MYO1D: variants seen among roughly 807,000 people sequenced by gnomAD.
MYO1D encodes the protein myosin ID.
MYO1D carries 83 observed loss-of-function variants against 122.0 expected under a neutral mutation model. The ratio of observed to expected loss-of-function variants is 0.68; its 90% CI spans 0.57 to 0.82. The LOEUF is 0.82. Among genes scored for constraint, MYO1D ranks in the 40% least tolerant of loss-of-function variants. MYO1D has a pLI of 0.00. For missense variants in MYO1D, 1,157 were observed against 1,269.5 expected (o/e 0.91, Z 1.35); for synonymous variants, 464 against 446.9 (o/e 1.04, Z -0.48).
rs187931853 is a variant in MYO1D at position 32,492,649 on chromosome 17, T to A, written c.*2110A>T. ...TATTGCTCTTGATGGCAAATCAAAATATGCTTTAGAAATAAAGTTAATTTA... is the reference window on the plus strand; with the variant it reads ...TATTGCTCTTGATGGCAAATCAAAAAATGCTTTAGAAATAAAGTTAATTTA... On this transcript the variant is annotated 3_prime_UTR_variant, in exon 22 of 22. Coordinates refer to ENST00000318217, the MANE Select transcript of MYO1D (RefSeq NM_015194.3). 6.5e-6 allele frequency: 1 copy of A among 152,738 alleles called. No homozygotes were observed. Among genetic ancestry groups the A allele is most frequent in the African/African-American group, 2.4e-5 (1 of 41,574 alleles). The allele number at this position is 152,738 out of a possible 1,614,324, so 9.5% of individuals were successfully genotyped here.
intron 1 of MYO1D, among the ~76,000 whole-genome samples, chr17:32,869,112 G>C (rs1482874112): frequency 6.6e-6 from 1 of 151,920 alleles, no homozygotes; most frequent in Non-Finnish European, 1.5e-5. Flanking sequence ...CCAGCCACTA[G>C]GGAGGCTGAG....
At chr17:32,713,035 C>T (rs1421272724) in intron 15 of MYO1D, among the ~76,000 whole-genome samples, 1 of 152,216 alleles carries the variant, frequency 6.6e-6, no homozygotes, top group Non-Finnish European at 1.5e-5. Flanking sequence ...CTTTTTCCAT[C>T]ATGCAAAGTT....
chr17:32,659,305 T>C lies in MYO1D; in HGVS notation c.2155A>G (p.Lys719Glu), dbSNP rs1361835048. The change falls in exon 17 of 22, where the codon AAA becomes GAA. Residue 719 changes from lysine (K) to glutamate (E), a missense_variant. Lys to Glu is a moderately conservative substitution (Grantham distance 56, BLOSUM62 1). Coordinates refer to ENST00000318217, the MANE Select transcript of MYO1D (RefSeq NM_015194.3). The part of the protein sequence containing the change: ...WRGTLARMRY[K>E]RTKAALTIIR... ...ATTGTCAGAGCTGCCTTGGTTCTTT[T>C]GTACCGCATGCGGGCCAGGGTGCCC... The C allele has an allele frequency of 6.2e-7, 1 of 1,614,120 alleles. No homozygotes were observed. Among genetic ancestry groups the C allele is most frequent in the African/African-American group, 1.3e-5 (1 of 74,944 alleles).
At chr17:32,591,951 G>A (rs552231751) in intron 21 of MYO1D, among the ~76,000 whole-genome samples, 228 of 152,280 alleles carry the variant, frequency 1.5e-3, no homozygotes, top group African/African-American at 5.3e-3. Flanking sequence ...AAGAAAGACT[G>A]TCATAGTCTT....
At chr17:32,621,915 C>T (rs1460560417) in intron 20 of MYO1D, among the ~76,000 whole-genome samples, 1 of 152,224 alleles carries the variant, frequency 6.6e-6, no homozygotes, top group Non-Finnish European at 1.5e-5. Flanking sequence ...CCTCTGTGAA[C>T]TGAAAGGAAA....
chr17:32,875,224 C>G (rs1311693893), intron 1 of MYO1D, among the ~76,000 whole-genome samples: 1 of 152,142 alleles, frequency 6.6e-6, no homozygotes, highest in African/African-American at 2.4e-5. Flanking sequence ...TCTCAAAGCA[C>G]ACAACTTATT....
intron 17 of MYO1D, 37 bp from the exon 18 acceptor site, chr17:32,654,658 A>G (rs772047476): frequency 3.9e-6 from 6 of 1,528,332 alleles, no homozygotes; most frequent in Non-Finnish European, 4.4e-6. Flanking sequence ...AGACTTTAGA[A>G]ATGCAATCCC....
intron 1 of MYO1D, among the ~76,000 whole-genome samples, chr17:32,814,269 G>A (rs1385664772): frequency 6.6e-6 from 1 of 152,146 alleles, no homozygotes; most frequent in Admixed American, 6.5e-5. Flanking sequence ...ACCTGAACCC[G>A]GGAGGCGGAG....
intron 14 of MYO1D, among the ~76,000 whole-genome samples, chr17:32,732,795 C>T (rs1214882627): frequency 1.3e-5 from 2 of 152,128 alleles, no homozygotes; most frequent in Admixed American, 6.5e-5. Flanking sequence ...TTGTGGGTGA[C>T]GAGGAGTGAA....
chr17:32,515,071 C>G (rs188578504), intron 21 of MYO1D, among the ~76,000 whole-genome samples: 147 of 152,254 alleles, frequency 9.7e-4, no homozygotes, highest in African/African-American at 3.4e-3. Context: ...TGCCTGGCAT[C>G]GAGTAAGTGC....
chr17:32,849,537 T>C (rs1236125974), intron 1 of MYO1D, among the ~76,000 whole-genome samples: 3 of 150,850 alleles, frequency 2.0e-5, no homozygotes, highest in African/African-American at 7.4e-5. Flanking sequence ...AAACTGGAAA[T>C]CATCATTCTC....
At chr17:32,499,286 G>A (rs1909232664) in intron 21 of MYO1D, 1 of 152,316 alleles carries the variant, frequency 6.6e-6, no homozygotes, top group African/African-American at 2.4e-5. Flanking sequence ...AGGATCACTT[G>A]AGCCCAGTTC....
intron 21 of MYO1D, among the ~76,000 whole-genome samples, chr17:32,562,925 G>T (rs1186737631): frequency 6.6e-6 from 1 of 152,008 alleles, no homozygotes; most frequent in African/African-American, 2.4e-5. Context: ...TAAAGGGAGG[G>T]GCATTTGAAA....
At chr17:32,624,019 T>A (rs1446375689) in intron 20 of MYO1D, among the ~76,000 whole-genome samples, 1 of 152,112 alleles carries the variant, frequency 6.6e-6, no homozygotes, top group Non-Finnish European at 1.5e-5. Flanking sequence ...TGTCTCTCTC[T>A]CACACACATA....
chr17:32,717,858 G>T (rs1313753484), intron 15 of MYO1D, among the ~76,000 whole-genome samples: 1 of 152,118 alleles, frequency 6.6e-6, no homozygotes, highest in African/African-American at 2.4e-5. Flanking sequence ...GACAATCAGT[G>T]TATCCTTTTA....
At chr17:32,569,264 A>T (rs1210278739) in intron 21 of MYO1D, among the ~76,000 whole-genome samples, 1 of 152,234 alleles carries the variant, frequency 6.6e-6, no homozygotes, top group Non-Finnish European at 1.5e-5. Context: ...AGCAATGGGC[A>T]TATTTCACTT....
chr17:32,536,575 G>A (rs1910672125), intron 21 of MYO1D, among the ~76,000 whole-genome samples: 5 of 152,106 alleles, frequency 3.3e-5, no homozygotes, highest in Admixed American at 3.3e-4. Context: ...TTATGTGCTG[G>A]CTTAAATTCC....
chr17:32,605,041 T>C (rs371837367), intron 21 of MYO1D, 46 bp downstream of exon 21: 371 of 1,494,340 alleles, frequency 2.5e-4, no homozygotes, highest in Non-Finnish European at 3.2e-4. Context: ...CGATTAAAGA[T>C]TTCATAGATT....
intron 21 of MYO1D, among the ~76,000 whole-genome samples, chr17:32,547,057 G>A (rs547182554): frequency 2.7e-5 from 4 of 147,424 alleles, no homozygotes; most frequent in African/African-American, 1.0e-4. Flanking sequence ...CTACATCACC[G>A]TGCCCAGCTA....
Sources: gnomAD v4.1 joint callset for allele counts (sites outside exome capture counted in the v4.1 genomes callset) on GRCh38, gnomAD v4.1.1 for gene constraint, MANE v1.5 for transcripts, NCBI Gene and HGNC (gene_info 2026-07-23, HGNC 2026-07-21) for gene names.